APPBP2: variants seen among roughly 807,000 people sequenced by gnomAD.
The protein encoded by APPBP2 is amyloid protein-binding protein 2.
APPBP2 carries 15 observed loss-of-function variants against 76.0 expected under a neutral mutation model. The observed-to-expected ratio is 0.20, with a 90% CI of 0.13 to 0.30. APPBP2 has a LOEUF of 0.30. APPBP2 is among the 10% of genes least tolerant of loss of function. APPBP2 has a pLI of 1.00. For missense variants in APPBP2, 401 were observed against 687.2 expected, an observed-to-expected ratio of 0.58 and a Z score of 4.66; for synonymous variants, 222 against 242.2, an observed-to-expected ratio of 0.92 and a Z score of 0.77.
intron 2 of APPBP2, among the ~76,000 whole-genome samples, chr17:60,499,447 G>A (rs2090804490): frequency 6.6e-6 from 1 of 152,096 alleles, no homozygotes; most frequent in Non-Finnish European, 1.5e-5. Flanking sequence ...GCTGAAAAAC[G>A]AGGATCCCTT....
chr17:60,455,121 AAAG>A (rs1360503970), intron 10 of APPBP2, among the ~76,000 whole-genome samples: 1 of 152,210 alleles, frequency 6.6e-6, no homozygotes, highest in Admixed American at 6.5e-5. Context: ...CATTTTTTAA[AAAG>A]AAAAGGTTAA....
At chr17:60,476,513 T>C (rs2090592125) in intron 4 of APPBP2, among the ~76,000 whole-genome samples, 1 of 151,978 alleles carries the variant, frequency 6.6e-6, no homozygotes, top group Non-Finnish European at 1.5e-5. Context: ...TGAAAAAAAT[T>C]ACTTATTATA....
chr17:60,453,838 C>T (rs758387154), intron 11 of APPBP2, among the ~76,000 whole-genome samples: 2 of 151,932 alleles, frequency 1.3e-5, no homozygotes, highest in South Asian at 2.1e-4. Flanking sequence ...GCCTGGCCCA[C>T]GGTCCTGATT....
intron 8 of APPBP2, 83 bp from the exon 9 acceptor site, chr17:60,460,870 A>C: frequency 1.4e-6 from 2 of 1,410,214 alleles, no homozygotes; most frequent in Non-Finnish European, 1.9e-6. Flanking sequence ...TTAAATATAT[A>C]TCTATATGCC....
Position 60,469,304 on chromosome 17 carries a change from G to A in APPBP2, c.504-2845C>T, listed in dbSNP as rs534497632. ...TCACACCACTGCACTCCAGACTGGC[G>A]ACAGAGCAAGACTCCATCTCAAAAA... On this transcript the variant is annotated intron_variant, in intron 4 of 12. Coordinates refer to ENST00000083182, the MANE Select transcript of APPBP2 (RefSeq NM_006380.5). 1.9e-3 allele frequency among the ~76,000 whole-genome samples: 245 copies of A among 130,716 alleles called. 1 individual carries two copies. The highest frequency in any genetic ancestry group is 2.6e-3 in the Non-Finnish European group (168 of 64,996). The allele number at this position is 130,716 out of a possible 152,430, so 85.8% of individuals were successfully genotyped here.
In APPBP2 at chr17:60,525,989, C is replaced by T; in HGVS notation, c.-58G>A. 3 of 1,508,302 alleles carry T rather than the reference C, an allele frequency of 2.0e-6. No individual in the cohort carries two copies. The highest frequency in any genetic ancestry group is 2.7e-6 in the Non-Finnish European group (3 of 1,115,578). The allele number at this position is 1,508,302 out of a possible 1,614,324, so 93.4% of individuals were successfully genotyped here. A position where few individuals can be genotyped will look rare whatever the true frequency, so the allele number is the denominator to read the frequency against. On this transcript the variant is annotated 5_prime_UTR_variant, in exon 1 of 13. Transcript: ENST00000083182. ...CCTCCTCCCGAAGGCCCCCACCTCC[C>T]TCCGTAGCGAACCCCTCTGCGGCCC... is the stretch of plus-strand genomic sequence containing the variant.
chr17:60,523,769 T>TA (rs1429384802), intron 1 of APPBP2, among the ~76,000 whole-genome samples: 1 of 152,086 alleles, frequency 6.6e-6, no homozygotes, highest in African/African-American at 2.4e-5. Context: ...TAGAAGCTAA[T>TA]AAAAAAATTA....
intron 1 of APPBP2, among the ~76,000 whole-genome samples, chr17:60,515,440 T>C (rs2090954797): frequency 6.6e-6 from 1 of 152,158 alleles, no homozygotes; most frequent in Non-Finnish European, 1.5e-5. Context: ...TAAATCAAAG[T>C]ATAACATGCA....
intron 3 of APPBP2, among the ~76,000 whole-genome samples, chr17:60,483,549 A>T (rs1332761031): frequency 6.6e-6 from 1 of 151,756 alleles, no homozygotes; most frequent in Non-Finnish European, 1.5e-5. Context: ...GCCCACCACC[A>T]CACCTGGCTA....
At chr17:60,521,940 A>G (rs1016810978) in intron 1 of APPBP2, among the ~76,000 whole-genome samples, 4 of 152,224 alleles carry the variant, frequency 2.6e-5, no homozygotes, top group African/African-American at 9.7e-5. Flanking sequence ...TACGGTACTC[A>G]GTAAAGTAAC....
At chr17:60,515,165 G>A (rs2143492715) in intron 1 of APPBP2, among the ~76,000 whole-genome samples, 1 of 147,286 alleles carries the variant, frequency 6.8e-6, no homozygotes, top group African/African-American at 2.5e-5. Flanking sequence ...ACCCAGGATG[G>A]AGTGCAGTGG....
intron 1 of APPBP2, among the ~76,000 whole-genome samples, chr17:60,523,788 A>G (rs1489109898): frequency 5.3e-5 from 8 of 152,228 alleles, no homozygotes; most frequent in Non-Finnish European, 7.3e-5. Flanking sequence ...TAGTGTTATA[A>G]TATCTTTCAT....
chr17:60,475,662 C>CAT (rs2143367931), intron 4 of APPBP2, among the ~76,000 whole-genome samples: 1 of 140,142 alleles, frequency 7.1e-6, no homozygotes, highest in South Asian at 2.1e-4. Flanking sequence ...CACACACACA[C>CAT]ACACACACAC....
In APPBP2 at chr17:60,447,345, T is replaced by G. The variant is rs553704050; in HGVS notation, c.*236A>C. On this transcript the variant is annotated 3_prime_UTR_variant, in exon 13 of 13. Coordinates refer to ENST00000083182, the MANE Select transcript of APPBP2 (RefSeq NM_006380.5). ...AAAGATTTCCTGTTGTTTGTTCTAC[T>G]AGGTTGAAAATGTGGGCCAGACTAC... 7.7e-4 allele frequency: 297 copies of G among 385,970 alleles called. 4 individuals are homozygous for G. The highest frequency in any genetic ancestry group is 5.3e-3 in the South Asian group (45 of 8,568). 23.9% of individuals were successfully genotyped at this position (385,970 alleles called of 1,614,324 possible).
chr17:60,512,479 A>G (rs764161145), intron 1 of APPBP2, among the ~76,000 whole-genome samples: 14 of 152,202 alleles, frequency 9.2e-5, no homozygotes, highest in Admixed American at 2.0e-4. Context: ...TCTTACTGCT[A>G]TAGTTTTTCA....
chr17:60,518,514 G>C (rs935417412), intron 1 of APPBP2, among the ~76,000 whole-genome samples: 7 of 151,376 alleles, frequency 4.6e-5, no homozygotes, highest in Admixed American at 4.6e-4. Flanking sequence ...GTGTGTGTGT[G>C]TGTGTGTGTG....
intron 2 of APPBP2, among the ~76,000 whole-genome samples, chr17:60,497,440 A>G (rs1015066354): frequency 6.6e-6 from 1 of 152,226 alleles, no homozygotes; most frequent in Non-Finnish European, 1.5e-5. Flanking sequence ...TGCTAACACA[A>G]CAGGATTATA....
In APPBP2 at chr17:60,444,522, A is replaced by T. The variant is rs1330455881; in HGVS notation, c.*3059T>A. ...AATTATAAACTTTTCCCAACAGGCT[A>T]GGAACAAAGGTCTTTCTCAAATTAT... On this transcript the variant is annotated 3_prime_UTR_variant, in exon 13 of 13. Transcript: ENST00000083182. 1 of 152,054 alleles carries T rather than the reference A, an allele frequency of 6.6e-6. No individual in the cohort carries two copies. Among genetic ancestry groups the T allele is most frequent in the Non-Finnish European group, 1.5e-5 (1 of 68,026 alleles). 9.4% of individuals were successfully genotyped at this position (152,054 alleles called of 1,614,324 possible).
Position 60,526,076 on chromosome 17 carries a change from G to T in APPBP2, c.-145C>A. 2.7e-6 allele frequency: 2 copies of T among 744,182 alleles called. No homozygotes were observed. 46.1% of individuals were successfully genotyped at this position (744,182 alleles called of 1,614,324 possible). A position where few individuals can be genotyped will look rare whatever the true frequency, so the allele number is the denominator to read the frequency against. On this transcript the variant is annotated 5_prime_UTR_variant, in exon 1 of 13. Transcript: ENST00000083182. ...GCACGGCAGAAGGCACGGCCGCCCT[G>T]CCTCCTCCGGGGGCAAACTGAGGGA...
Sources: allele counts gnomAD v4.1 joint callset (sites outside exome capture counted in the v4.1 genomes callset), GRCh38; gene constraint gnomAD v4.1.1; transcripts MANE v1.5; gene names NCBI Gene and HGNC (gene_info 2026-07-23, HGNC 2026-07-21).